Variants in DNAH6 observed in about 807,000 individuals in gnomAD.
DNAH6 encodes the protein dynein axonemal heavy chain 6, also known as axonemal beta dynein heavy chain 6.
A neutral mutation model predicts 491.4 loss-of-function variants in DNAH6; 340 were observed. The observed-to-expected ratio is 0.69, with a 90% CI of 0.63 to 0.76. The LOEUF is 0.76. Ranked by LOEUF, DNAH6 falls within the 30% of genes least tolerant of loss-of-function variation. The pLI, the probability that DNAH6 is intolerant of heterozygous loss-of-function variation, is 0.00. For missense variants in DNAH6, 4,443 were observed against 4,972.2 expected, an observed-to-expected ratio of 0.89 and a Z score of 3.20; for synonymous variants, 1,603 against 1,686.1, an observed-to-expected ratio of 0.95 and a Z score of 1.21.
intron 11 of DNAH6, among the ~76,000 whole-genome samples, chr2:84,569,206 T>C (rs1391876029): frequency 6.6e-6 from 1 of 152,084 alleles, no homozygotes; most frequent in Non-Finnish European, 1.5e-5. Flanking sequence ...AATAAATGGA[T>C]GAAGAAGTTG....
Position 84,705,686 on chromosome 2 carries a change from A to G in DNAH6, c.8666A>G (p.Asp2889Gly), listed in dbSNP as rs1372553751. The G allele has an allele frequency of 4.5e-6, 7 of 1,551,826 alleles. No individual in the cohort carries two copies. Among genetic ancestry groups the G allele is most frequent in the Non-Finnish European group, 6.1e-6 (7 of 1,147,024 alleles). Reference sequence around the variant, plus strand: ...ATGTGCATGTGGGTAAGAGCTATGGATTTGTACTCTCGAGTGGTCAAGGTC... The same window carrying G: ...ATGTGCATGTGGGTAAGAGCTATGGGTTTGTACTCTCGAGTGGTCAAGGTC... ...KSMCMWVRAM[D>G]LYSRVVKVVE... Residue 2889 changes from aspartate to glycine, a missense_variant, in exon 52 of 77, where the codon GAT becomes GGT. Physicochemically the swap from Asp to Gly is moderately conservative, Grantham distance 94 (BLOSUM62 -1). Coordinates refer to ENST00000389394, the MANE Select transcript of DNAH6 (RefSeq NM_001370.2).
At position 84,624,457 on chromosome 2, in the gene DNAH6, A is replaced by T. The variant is rs1558813959; in HGVS notation, c.4198-8A>T. Reference sequence around the variant, plus strand: ...AATTAGTGTATCTAATATGTATATCACATATAGGTGGAGACAGTTGAATCT... The same window carrying T: ...AATTAGTGTATCTAATATGTATATCTCATATAGGTGGAGACAGTTGAATCT... On this transcript the variant is annotated splice_polypyrimidine_tract_variant and splice_region_variant and intron_variant, in intron 27 of 76. Coordinates refer to ENST00000389394, the MANE Select transcript of DNAH6 (RefSeq NM_001370.2). The T allele has an allele frequency of 6.4e-7, 1 of 1,551,394 alleles. No individual in the cohort carries two copies. The highest frequency in any genetic ancestry group is 2.4e-5 in the East Asian group (1 of 40,898).
chr2:84,742,459 A>G (rs2105030131), intron 62 of DNAH6, among the ~76,000 whole-genome samples: 1 of 152,278 alleles, frequency 6.6e-6, no homozygotes, highest in Admixed American at 6.5e-5. Context: ...TGTTTGCCAC[A>G]ACTGGGGTGG....
At position 84,547,627 on chromosome 2, in the gene DNAH6, G is replaced by A. The variant is rs2104540055; in HGVS notation, c.1186+15G>A. 6.4e-7 allele frequency: 1 copy of A among 1,551,016 alleles called. No individual in the cohort carries two copies. ...ACCTTTTGAGGGTATGAAGGGGAAA[G>A]AACCTCAATATATCAGAAGTGGTGG... On this transcript the variant is annotated intron_variant, in intron 7 of 76. Coordinates refer to ENST00000389394, the MANE Select transcript of DNAH6 (RefSeq NM_001370.2).
At chr2:84,743,702 G>A (rs1256839616) in intron 62 of DNAH6, among the ~76,000 whole-genome samples, 1 of 152,088 alleles carries the variant, frequency 6.6e-6, no homozygotes, top group Non-Finnish European at 1.5e-5. Context: ...TGCACCTGTA[G>A]TCCCAGCTAT....
At chr2:84,604,801 A>T (rs749549810) in intron 19 of DNAH6, among the ~76,000 whole-genome samples, 7 of 152,154 alleles carry the variant, frequency 4.6e-5, no homozygotes, top group Non-Finnish European at 8.8e-5. Flanking sequence ...TTATATAAGA[A>T]ATCATATACC....
rs555578133 is a variant in DNAH6, at chr2:84,574,874, A to G, written c.1924+1287A>G. On this transcript the variant is annotated intron_variant, in intron 12 of 76. Coordinates refer to ENST00000389394, the MANE Select transcript of DNAH6 (RefSeq NM_001370.2). The stretch of plus-strand genomic sequence containing the variant: ...AGGCTTCCTAGCCTCCTGCTACCAC[A>G]GTCCTCACGTTGGATAACTGTGATC... Among the ~76,000 whole-genome samples the G allele has an allele frequency of 6.6e-5, 10 of 152,310 alleles. 1 individual carries two copies. In the South Asian group the frequency reaches 2.1e-3, roughly 32 times the overall value.
At position 84,563,602 on chromosome 2, in the gene DNAH6, CCG is replaced by C. The variant is rs534830285; in HGVS notation, c.1803+5668_1803+5669del. On this transcript the variant is annotated intron_variant, in intron 11 of 76. Transcript: ENST00000389394. ...TTTTTAATAGATTCTGGATATTAGA[CCG>C]TTGTCAAATGCGGTTTGTGAATATT... Among the ~76,000 whole-genome samples the C allele has an allele frequency of 2.1e-3, 325 of 152,134 alleles. 1 individual carries two copies. Among genetic ancestry groups the C allele is most frequent in the African/African-American group, 7.4e-3 (308 of 41,514 alleles).
At chr2:84,745,966 GTAGTAGAT>G (rs1358798328) in intron 63 of DNAH6, among the ~76,000 whole-genome samples, 2 of 152,152 alleles carry the variant, frequency 1.3e-5, no homozygotes, top group African/African-American at 4.8e-5. Flanking sequence ...TAAGACAGAG[GTAGTAGAT>G]TAGAGAGATG....
intron 49 of DNAH6, among the ~76,000 whole-genome samples, chr2:84,701,833 G>A (rs938869410): frequency 2.0e-5 from 3 of 152,138 alleles, no homozygotes; most frequent in Non-Finnish European, 4.4e-5. Context: ...AGATTTGGGT[G>A]GGGACACAGA....
chr2:84,785,902 T>C, intron 67 of DNAH6, 146 bp downstream of exon 67: 1 of 777,258 alleles, frequency 1.3e-6, no homozygotes. Flanking sequence ...TTTCATTCAA[T>C]CTCTATACTC....
At chr2:84,546,943 A>G (rs1386744452) in intron 5 of DNAH6, among the ~76,000 whole-genome samples, 2 of 152,200 alleles carry the variant, frequency 1.3e-5, no homozygotes, top group Admixed American at 6.5e-5. Flanking sequence ...GACATTGTAA[A>G]GTACTTAAGG....
intron 10 of DNAH6, among the ~76,000 whole-genome samples, chr2:84,553,708 G>A (rs1679746940): frequency 7.7e-6 from 1 of 129,686 alleles, no homozygotes; most frequent in South Asian, 2.5e-4. Context: ...GGGCTCAAGT[G>A]ATCCACCTGC....
the DNAH6 span, among the ~76,000 whole-genome samples, chr2:84,463,222 G>A: frequency 6.6e-6 from 1 of 152,168 alleles, no homozygotes; most frequent in South Asian, 2.1e-4. Context: ...ATACAGCAAG[G>A]GTGTGAAGGG....
chr2:84,632,936 G>C (rs1018554481), intron 29 of DNAH6, among the ~76,000 whole-genome samples: 2 of 151,934 alleles, frequency 1.3e-5, no homozygotes, highest in Admixed American at 6.6e-5. Context: ...TCTCTTTCTT[G>C]AATCTTCACC....
At chr2:84,639,404 T>A (rs891437003) in intron 31 of DNAH6, among the ~76,000 whole-genome samples, 3 of 148,796 alleles carry the variant, frequency 2.0e-5, no homozygotes, top group Non-Finnish European at 1.5e-5. Flanking sequence ...TGAATTAGAT[T>A]CTGTTGTCAG....
intron 46 of DNAH6, among the ~76,000 whole-genome samples, chr2:84,696,092 C>G (rs1480262357): frequency 6.6e-6 from 1 of 151,704 alleles, no homozygotes; most frequent in Non-Finnish European, 1.5e-5. Flanking sequence ...TGTAACTTAA[C>G]AAATACAAAG....
At chr2:84,530,120 A>G (rs931332764) in intron 4 of DNAH6, among the ~76,000 whole-genome samples, 16 of 152,174 alleles carry the variant, frequency 1.1e-4, no homozygotes, top group African/African-American at 1.4e-4. Context: ...CTTGAGACAC[A>G]TTAGTAAACC....
At chr2:84,520,980 G>A (rs1012783084) in intron 2 of DNAH6, among the ~76,000 whole-genome samples, 9 of 151,756 alleles carry the variant, frequency 5.9e-5, no homozygotes, top group Admixed American at 5.9e-4. Flanking sequence ...TATTTGGGGA[G>A]TCACCATGCT....
Sources: allele counts gnomAD v4.1 joint callset (sites outside exome capture counted in the v4.1 genomes callset), GRCh38; gene constraint gnomAD v4.1.1; transcripts MANE v1.5; gene names NCBI Gene and HGNC (gene_info 2026-07-23, HGNC 2026-07-21).